The following TG variants were observed in gnomAD, a reference collection of about 807,000 sequenced individuals.
TG encodes thyroglobulin, also known as thyroid hormones.
In TG, 270 loss-of-function variants were observed where a neutral mutation model predicts 324.7. The observed-to-expected ratio is 0.83, with a 90% CI of 0.75 to 0.92. The LOEUF is 0.92. Among genes scored for constraint, TG ranks in the 40% least tolerant of loss-of-function variants. The pLI is 0.00. For synonymous variants in TG, 1,401 were observed against 1,327.0 expected, an observed-to-expected ratio of 1.06 and a Z score of -1.21; for missense variants, 3,591 against 3,456.4, an observed-to-expected ratio of 1.04 and a Z score of -0.98.
chr8:132,901,377 A>C lies in TG; in HGVS notation c.3458A>C (p.Lys1153Thr). ...GGCCCAAGCCTCTGCAATGTGCTCA[A>C]GAGTGGAGTCCTCTCCAGGAGAGTC... ...AQCPSLCNVLKSGVLSRRVSP... is the reference protein window; with the variant it reads ...AQCPSLCNVLTSGVLSRRVSP... The change falls in exon 16 of 48, where the codon AAG (lysine) becomes ACG (threonine). Residue 1153 changes from lysine (K) to threonine (T), a missense_variant. Physicochemically the swap from Lys to Thr is moderately conservative, Grantham distance 78 (BLOSUM62 -1). Coordinates refer to ENST00000220616, the MANE Select transcript of TG (RefSeq NM_003235.5). 1.2e-6 allele frequency: 2 copies of C among 1,614,194 alleles called. No homozygotes were observed. The highest frequency in any genetic ancestry group is 8.5e-7 in the Non-Finnish European group (1 of 1,180,040).
At chr8:132,883,069 C>T in intron 8 of TG, 70 bp downstream of exon 8, 2 of 1,524,094 alleles carry the variant, frequency 1.3e-6, no homozygotes, top group Non-Finnish European at 1.8e-6. Flanking sequence ...CCAGACCAAC[C>T]TCTCTGGACC....
intron 26 of TG, among the ~76,000 whole-genome samples, chr8:132,943,057 C>T (rs1445264350): frequency 1.3e-5 from 2 of 152,174 alleles, no homozygotes; most frequent in Non-Finnish European, 2.9e-5. Flanking sequence ...TAGAGGATGT[C>T]TCCTTCTGAG....
At chr8:133,016,240 C>T (rs1335573494) in intron 37 of TG, among the ~76,000 whole-genome samples, 1 of 152,158 alleles carries the variant, frequency 6.6e-6, no homozygotes, top group Non-Finnish European at 1.5e-5. Context: ...GACATGATAC[C>T]CAGGCTTCTC....
chr8:133,116,886 T>TA (rs35664939), intron 45 of TG, among the ~76,000 whole-genome samples, 170 bp downstream of exon 45: 25,889 of 149,654 alleles, frequency 0.17, 2,549 homozygotes, highest in Non-Finnish European at 0.22. Flanking sequence ...CGGGGAAAGT[T>TA]AAAAAAAAAA....
At chr8:133,019,538 G>A in intron 38 of TG, 64 bp from the exon 39 acceptor site, 1 of 1,413,216 alleles carries the variant, frequency 7.1e-7, no homozygotes, top group Non-Finnish European at 1.0e-6. Flanking sequence ...CTCTGACCAT[G>A]GTGGTGGGTG....
chr8:133,066,283 G>A (rs1047306731), intron 41 of TG, among the ~76,000 whole-genome samples: 11 of 132,544 alleles, frequency 8.3e-5, no homozygotes, highest in Middle Eastern at 4.8e-3. Context: ...CTGAGATCTC[G>A]CCACTGCACT....
intron 41 of TG, chr8:133,045,256 T>A: frequency 1.3e-6 from 1 of 752,580 alleles, no homozygotes; most frequent in Non-Finnish European, 2.2e-6. Flanking sequence ...AGCCCCTCCC[T>A]CCACTAGACC....
chr8:133,045,635 T>A (rs1839224431), intron 41 of TG, among the ~76,000 whole-genome samples: 1 of 152,114 alleles, frequency 6.6e-6, no homozygotes, highest in Non-Finnish European at 1.5e-5. Flanking sequence ...ACTCAAGTGA[T>A]CCGCCCACCT....
intron 26 of TG, among the ~76,000 whole-genome samples, chr8:132,942,086 C>T (rs1824530640): frequency 6.6e-6 from 1 of 152,152 alleles, no homozygotes; most frequent in South Asian, 2.1e-4. Context: ...ATGGAGGTGC[C>T]CTTCTGTTTA....
chr8:132,969,310 G>A (rs1343943511), intron 31 of TG, 148 bp from the exon 32 acceptor site: 1 of 652,808 alleles, frequency 1.5e-6, no homozygotes, highest in African/African-American at 1.8e-5. Flanking sequence ...ATTTTAGTGA[G>A]ATTTGAGTTA....
At chr8:132,944,846 G>A (rs559961428) in intron 26 of TG, among the ~76,000 whole-genome samples, 28 of 152,304 alleles carry the variant, frequency 1.8e-4, no homozygotes, top group South Asian at 6.2e-4. Flanking sequence ...TAGTTTAAAT[G>A]AGATAAAGAG....
chr8:133,066,721 T>A (rs1438495450), intron 41 of TG, among the ~76,000 whole-genome samples: 2 of 152,240 alleles, frequency 1.3e-5, no homozygotes, highest in East Asian at 3.8e-4. Context: ...AGTTCACTTC[T>A]CTGAGCCTTG....
In TG at chr8:133,042,678, C is replaced by CCTTTTTTTTTTTTTTTTTTT. The variant is rs1554706932; in HGVS notation, c.7239+12655_7239+12656insCTTTTTTTTTTTTTTTTTTT. Among the ~76,000 whole-genome samples, 7 of 56,768 alleles carry CCTTTTTTTTTTTTTTTTTTT rather than the reference C, an allele frequency of 1.2e-4. 2 individuals are homozygous for CCTTTTTTTTTTTTTTTTTTT. The South Asian group carries it at 1.8e-3, about 15-fold the overall frequency. 37.2% of individuals were successfully genotyped at this position (56,768 alleles called of 152,430 possible). A position where few individuals can be genotyped will look rare whatever the true frequency, so the allele number is the denominator to read the frequency against. ...GTGCACAATTCCTCTCATTCTGTGT[C>CCTTTTTTTTTTTTTTTTTTT]TTTTTTTTTTTTTTTTTTTTTTTTT... is the stretch of plus-strand genomic sequence containing the variant. On this transcript the variant is annotated intron_variant, in intron 41 of 47. Coordinates refer to ENST00000220616, the MANE Select transcript of TG (RefSeq NM_003235.5).
chr8:133,130,993 G>T (rs1455081623), intron 45 of TG, among the ~76,000 whole-genome samples: 1 of 152,174 alleles, frequency 6.6e-6, no homozygotes, highest in Admixed American at 6.5e-5. Flanking sequence ...GAGGGAGTGT[G>T]GTGATTGAGA....
chr8:132,879,074 A>G (rs149969012), intron 5 of TG, among the ~76,000 whole-genome samples: 46 of 152,386 alleles, frequency 3.0e-4, no homozygotes, highest in South Asian at 1.4e-3. Flanking sequence ...CACTACTGAC[A>G]GTAGCAGAAT....
intron 22 of TG, among the ~76,000 whole-genome samples, chr8:132,925,221 G>A (rs933376342): frequency 6.6e-6 from 1 of 152,184 alleles, no homozygotes; most frequent in African/African-American, 2.4e-5. Context: ...ACTTCTCTTG[G>A]TTCCATAGTT....
Position 132,933,563 on chromosome 8 carries a change from T to G in TG, c.4819T>G (p.Cys1607Gly). The G allele has an allele frequency of 6.2e-7, 1 of 1,613,880 alleles. No individual in the cohort carries two copies. The highest frequency in any genetic ancestry group is 8.5e-7 in the Non-Finnish European group (1 of 1,179,898). The stretch of plus-strand genomic sequence containing the variant: ...TGACCGTCCCATGGTGCTTGCAGAT[T>G]GCACAGAGGACGAGGCCTGCAGCTT... Reference protein sequence around the residue: ...EFPVMQCLTDCTEDEACSFFT... With the variant: ...EFPVMQCLTDGTEDEACSFFT... The change falls in exon 24 of 48, where the codon TGC (cysteine) becomes GGC (glycine). Residue 1607 changes from cysteine to glycine, a missense_variant and splice_region_variant. Cys to Gly is a radical substitution (Grantham distance 159). Coordinates refer to ENST00000220616, the MANE Select transcript of TG (RefSeq NM_003235.5).
chr8:132,903,969 T>C (rs1818305089), intron 16 of TG, among the ~76,000 whole-genome samples: 2 of 152,190 alleles, frequency 1.3e-5, no homozygotes, highest in South Asian at 4.1e-4. Flanking sequence ...TTTTTGCCAG[T>C]ATTACTTAGG....
At chr8:132,910,767 A>G (rs1819401965) in intron 18 of TG, among the ~76,000 whole-genome samples, 1 of 152,232 alleles carries the variant, frequency 6.6e-6, no homozygotes, top group Non-Finnish European at 1.5e-5. Flanking sequence ...GTATTTCGTA[A>G]TGTTCATCCA....
Sources: gnomAD v4.1 joint callset for allele counts (sites outside exome capture counted in the v4.1 genomes callset) on GRCh38, gnomAD v4.1.1 for gene constraint, MANE v1.5 for transcripts, NCBI Gene and HGNC (gene_info 2026-07-23, HGNC 2026-07-21) for gene names.